The following LITAF variants were observed in gnomAD, a reference collection of about 807,000 sequenced individuals.
LITAF encodes lipopolysaccharide induced TNF factor.
In LITAF, 9 loss-of-function variants were observed where a neutral mutation model predicts 14.5. The ratio of observed to expected loss-of-function variants is 0.62; its 90% CI spans 0.37 to 1.08. LITAF has a LOEUF of 1.08. LITAF is among the 50% of genes least tolerant of loss of function. The pLI, the probability that LITAF is intolerant of heterozygous loss-of-function variation, is 0.01. For missense variants in LITAF, 206 were observed against 213.4 expected, an observed-to-expected ratio of 0.97 and a Z score of 0.22; for synonymous variants, 98 against 88.2, an observed-to-expected ratio of 1.11 and a Z score of -0.62.
rs546467298 is a variant in LITAF at position 11,630,693 on chromosome 16, C to T, written c.85+2840G>A. On this transcript the variant is annotated intron_variant, in intron 3 of 3. Transcript: ENST00000574848. Reference sequence around the variant, plus strand: ...TCCTGGGCTCAAACAATCCTCCCACCTCAGCTTCCTAGATAGCTGGGACTA... The same window carrying T: ...TCCTGGGCTCAAACAATCCTCCCACTTCAGCTTCCTAGATAGCTGGGACTA... Among the ~76,000 whole-genome samples, 26 of 152,092 alleles carry T rather than the reference C, an allele frequency of 1.7e-4. 1 individual carries two copies. In the South Asian group the frequency reaches 4.4e-3, roughly 26 times the overall value.
chr16:11,628,211 T>A (rs933039510), intron 3 of LITAF, among the ~76,000 whole-genome samples: 1 of 152,114 alleles, frequency 6.6e-6, no homozygotes, highest in Non-Finnish European at 1.5e-5. Context: ...CCAACAGCCA[T>A]GACTCATCCC....
chr16:11,604,141 G>C (rs558998742), intron 3 of LITAF, among the ~76,000 whole-genome samples: 4 of 152,162 alleles, frequency 2.6e-5, no homozygotes, highest in Non-Finnish European at 4.4e-5. Context: ...ACCAGCTTAG[G>C]CAACATAGTG....
chr16:11,551,944 T>G, intron 3 of LITAF: 1 of 454,328 alleles, frequency 2.2e-6, no homozygotes, highest in Non-Finnish European at 3.9e-6. Flanking sequence ...AAGCATTTTC[T>G]GCCCACAGAA....
chr16:11,612,208 T>G (rs967488144), intron 3 of LITAF, among the ~76,000 whole-genome samples: 1 of 152,156 alleles, frequency 6.6e-6, no homozygotes, highest in African/African-American at 2.4e-5. Flanking sequence ...CAGCCAACCA[T>G]GTGCCAGGTT....
At chr16:11,626,464 C>T (rs1391864859) in intron 3 of LITAF, among the ~76,000 whole-genome samples, 2 of 150,940 alleles carry the variant, frequency 1.3e-5, no homozygotes, top group African/African-American at 4.8e-5. Flanking sequence ...CTGCCTCAGC[C>T]TCCTGACTAG....
exon 1 of LITAF, chr16:11,636,303 G>A (rs2065138033): frequency 6.6e-6 from 1 of 152,234 alleles, no homozygotes; most frequent in African/African-American, 2.4e-5. Flanking sequence ...CTGAAGTTAA[G>A]AGCAGAAGTG....
intron 1 of LITAF, among the ~76,000 whole-genome samples, chr16:11,595,740 C>G (rs1293424941): frequency 2.0e-5 from 3 of 151,980 alleles, no homozygotes; most frequent in African/African-American, 7.2e-5. Flanking sequence ...AAAAACAAAA[C>G]AAAACAAAAC....
intron 1 of LITAF, among the ~76,000 whole-genome samples, chr16:11,564,787 G>C (rs1428435140): frequency 6.6e-6 from 1 of 152,112 alleles, no homozygotes; most frequent in Non-Finnish European, 1.5e-5. Context: ...AACCTCGAAA[G>C]CACAAAAGGC....
At chr16:11,623,286 G>A (rs1242258014) in intron 3 of LITAF, among the ~76,000 whole-genome samples, 1 of 151,906 alleles carries the variant, frequency 6.6e-6, no homozygotes, top group African/African-American at 2.4e-5. Flanking sequence ...ATAGCAAAGG[G>A]AATTTATTTG....
intron 1 of LITAF, among the ~76,000 whole-genome samples, chr16:11,572,609 G>A (rs961208019): frequency 6.6e-6 from 1 of 152,170 alleles, no homozygotes; most frequent in African/African-American, 2.4e-5. Context: ...ACGTAGTCAT[G>A]AGAAAACCGG....
chr16:11,635,397 C>T (rs1198123855), intron 2 of LITAF, among the ~76,000 whole-genome samples: 2 of 152,168 alleles, frequency 1.3e-5, no homozygotes, highest in Non-Finnish European at 2.9e-5. Flanking sequence ...CCAGTGCTTC[C>T]TCTCCCTCTC....
intron 1 of LITAF, among the ~76,000 whole-genome samples, chr16:11,574,644 T>C (rs746609638): frequency 6.6e-6 from 1 of 152,150 alleles, no homozygotes. Context: ...CACAGCCCTT[T>C]GTGTTCCTGC....
In LITAF at chr16:11,632,603, C is replaced by G. The variant is rs2065123369; in HGVS notation, c.85+930G>C. On this transcript the variant is annotated intron_variant, in intron 3 of 3. Coordinates refer to the LITAF transcript ENST00000574848. The surrounding 1 kb of genome is among the most constrained non-coding windows in gnomAD (Gnocchi z 4.8). ...CTGCGCTCCCTGGCACGTGGGATCC[C>G]TTGGCCCCATCTGGAGGAAGCCCCA... is the stretch of plus-strand genomic sequence containing the variant. Among the ~76,000 whole-genome samples, 1 of 152,200 alleles carries G rather than the reference C, an allele frequency of 6.6e-6. No individual in the cohort carries two copies. Among genetic ancestry groups the G allele is most frequent in the Non-Finnish European group, 1.5e-5 (1 of 68,010 alleles).
rs6498229 is a variant in LITAF, at chr16:11,605,659, C to T, written c.85+27874G>A. On this transcript the variant is annotated intron_variant, in intron 3 of 3. Coordinates refer to the LITAF transcript ENST00000574848. The surrounding 1 kb of genome is among the most constrained non-coding windows in gnomAD (Gnocchi z 4.7). ...AAGTAAAGCAGCAGCCAGCCGGGCA[C>T]GGAGGCCAAGGCAGGAGGATCGCTG... is the stretch of plus-strand genomic sequence containing the variant. 0.35 allele frequency among the ~76,000 whole-genome samples: 53,147 copies of T among 152,104 alleles called. 12,225 individuals are homozygous for T. The highest frequency in any genetic ancestry group is 0.68 in the East Asian group (3,541 of 5,174).
At chr16:11,621,054 C>G (rs1053880108) in intron 3 of LITAF, among the ~76,000 whole-genome samples, 5 of 146,042 alleles carry the variant, frequency 3.4e-5, no homozygotes, top group African/African-American at 1.1e-4. Context: ...CTCCACCACA[C>G]CCAGTTAATT....
chr16:11,618,657 G>T (rs140796648), intron 3 of LITAF, among the ~76,000 whole-genome samples: 8 of 152,140 alleles, frequency 5.3e-5, no homozygotes, highest in Non-Finnish European at 1.0e-4. Context: ...TTCTGGGGGT[G>T]GGGAGGGGGC....
rs748017885 is a variant in LITAF, at chr16:11,549,645, G to A, written c.478C>T (p.Arg160Cys). The change falls in exon 4 of 4, where the codon CGT becomes TGT. Residue 160 changes from arginine to cysteine, a missense_variant. Arg to Cys is a radical substitution (Grantham distance 180). Coordinates refer to ENST00000622633, the MANE Select transcript of LITAF (RefSeq NM_001136472.2). This position sits in a 1 kb window ranked among gnomAD's most constrained non-coding sequence, Gnocchi z 4.6. ...NCRALLGTYK[R>C]L Reference sequence around the variant, plus strand: ...CCACGTCTGGCTGAGTCCTACAAACGCTTGTAGGTGCCCAGGAGAGCTCTG... The same window carrying A: ...CCACGTCTGGCTGAGTCCTACAAACACTTGTAGGTGCCCAGGAGAGCTCTG... 25 of 1,612,470 alleles carry A rather than the reference G, an allele frequency of 1.6e-5. No homozygotes were observed. Among genetic ancestry groups the A allele is most frequent in the Non-Finnish European group, 1.9e-5 (22 of 1,179,200 alleles).
At chr16:11,626,937 G>A (rs1249005642) in intron 3 of LITAF, among the ~76,000 whole-genome samples, 1 of 151,692 alleles carries the variant, frequency 6.6e-6, no homozygotes, top group Non-Finnish European at 1.5e-5. Context: ...CTACCTCCCG[G>A]GCTCAGGTGA....
At chr16:11,594,243 C>G (rs897595090) in intron 1 of LITAF, among the ~76,000 whole-genome samples, 1 of 151,848 alleles carries the variant, frequency 6.6e-6, no homozygotes, top group Non-Finnish European at 1.5e-5. Flanking sequence ...ACACTACATG[C>G]CAATGAATTG....
Sources: gnomAD v4.1 joint callset for allele counts (sites outside exome capture counted in the v4.1 genomes callset) on GRCh38, gnomAD v4.1.1 for gene constraint, Gnocchi (gnomAD v3.1) non-coding constraint, MANE v1.5 for transcripts, NCBI Gene and HGNC (gene_info 2026-07-23, HGNC 2026-07-21) for gene names.